Variants in RAB11FIP4 observed in about 807,000 individuals in gnomAD.
The protein encoded by RAB11FIP4 is rab11 family-interacting protein 4.
In RAB11FIP4, 23 loss-of-function variants were observed where a neutral mutation model predicts 74.3. That is an observed-to-expected ratio of 0.31 (90% confidence interval 0.22 to 0.44). The LOEUF (loss-of-function observed/expected upper bound fraction) is 0.44, where lower values mean the gene tolerates loss of function less well. Among genes scored for constraint, RAB11FIP4 ranks in the 20% least tolerant of loss-of-function variants. RAB11FIP4 has a pLI of 1.00. For synonymous variants in RAB11FIP4, 360 were observed against 359.9 expected, an observed-to-expected ratio of 1.00 and a Z score of 0.00; for missense variants, 630 against 863.9, an observed-to-expected ratio of 0.73 and a Z score of 3.39.
rs756862983 is a variant in RAB11FIP4 at position 31,530,302 on chromosome 17, TCG to T, written c.1654-22_1654-21del. 31 of 1,611,420 alleles carry T rather than the reference TCG, an allele frequency of 1.9e-5. No homozygotes were observed. The African/African-American group carries it at 4.1e-4, about 22-fold the overall frequency. ...CTGTGGATGCCTCTTGGGGTTGATGTCGCCTTCGTCCTTCTCTCTGTAGGAGA... is the reference window on the plus strand; with the variant it reads ...CTGTGGATGCCTCTTGGGGTTGATGTCCTTCGTCCTTCTCTCTGTAGGAGA... On this transcript the variant is annotated intron_variant, in intron 13 of 14. Coordinates refer to ENST00000621161, the MANE Select transcript of RAB11FIP4 (RefSeq NM_032932.6).
intron 1 of RAB11FIP4, among the ~76,000 whole-genome samples, chr17:31,398,461 T>G: frequency 1.3e-5 from 2 of 149,924 alleles, no homozygotes; most frequent in Non-Finnish European, 1.5e-5. Context: ...GACCGTGCCA[T>G]GGGGGGTGGG....
At chr17:31,447,439 G>T (rs1394074886) in intron 3 of RAB11FIP4, among the ~76,000 whole-genome samples, 1 of 152,130 alleles carries the variant, frequency 6.6e-6, no homozygotes. Context: ...CTCCAGCCTG[G>T]GCAACAGAGC....
intron 3 of RAB11FIP4, among the ~76,000 whole-genome samples, chr17:31,505,802 C>T (rs915612905): frequency 2.8e-4 from 40 of 144,078 alleles, no homozygotes; most frequent in African/African-American, 9.5e-4. Context: ...AACTCGTGGC[C>T]TCAAGCAATC....
intron 3 of RAB11FIP4, among the ~76,000 whole-genome samples, chr17:31,482,753 G>A (rs1480374132): frequency 6.6e-6 from 1 of 152,168 alleles, no homozygotes; most frequent in African/African-American, 2.4e-5. Flanking sequence ...TGGGATGAAA[G>A]CTGAGATTTA....
At chr17:31,469,627 C>T (rs1390622024) in intron 3 of RAB11FIP4, among the ~76,000 whole-genome samples, 1 of 97,412 alleles carries the variant, frequency 1.0e-5, no homozygotes, top group Non-Finnish European at 2.1e-5. Context: ...GTGAGACCCT[C>T]TCTCAAAAAA....
At chr17:31,514,814 C>T (rs1207431469) in intron 3 of RAB11FIP4, among the ~76,000 whole-genome samples, 1 of 152,186 alleles carries the variant, frequency 6.6e-6, no homozygotes, top group East Asian at 1.9e-4. Flanking sequence ...CCTGTGAGGG[C>T]GTTAAGTGGA....
rs576826421 is a variant in RAB11FIP4, at chr17:31,488,779, AGCCGAGAAGCT to A, written c.337-28869_337-28859del. Among the ~76,000 whole-genome samples, 750 of 152,292 alleles carry A rather than the reference AGCCGAGAAGCT, an allele frequency of 4.9e-3. 1 individual carries two copies. The highest frequency in any genetic ancestry group is 8.2e-3 in the Non-Finnish European group (557 of 68,024). ...TGGGGCCGGGGCCCTGCCTCTCCCC[AGCCGAGAAGCT>A]GCAGTGGTGGGAGGTGTGTTGTGGC... On this transcript the variant is annotated intron_variant, in intron 3 of 14. Coordinates refer to ENST00000621161, the MANE Select transcript of RAB11FIP4 (RefSeq NM_032932.6).
intron 2 of RAB11FIP4, 125 bp from the exon 3 acceptor site, chr17:31,433,909 C>T (rs2071333451): frequency 2.3e-6 from 2 of 860,204 alleles, no homozygotes; most frequent in Non-Finnish European, 3.7e-6. Flanking sequence ...GCTCAGCTGG[C>T]CTCCTGGAGC....
chr17:31,416,537 C>T (rs921314876), intron 1 of RAB11FIP4, among the ~76,000 whole-genome samples: 2 of 152,208 alleles, frequency 1.3e-5, no homozygotes, highest in African/African-American at 2.4e-5. Context: ...TCCCACCGGC[C>T]GGCCTGGGGG....
chr17:31,495,539 T>G (rs760408199), intron 3 of RAB11FIP4, among the ~76,000 whole-genome samples: 10 of 151,968 alleles, frequency 6.6e-5, no homozygotes, highest in Admixed American at 1.3e-4. Flanking sequence ...TATTTATTCA[T>G]TTGGTAGAGA....
intron 3 of RAB11FIP4, among the ~76,000 whole-genome samples, chr17:31,442,874 C>G (rs1761359909): frequency 6.6e-6 from 1 of 152,088 alleles, no homozygotes; most frequent in Admixed American, 6.6e-5. Context: ...GCAGGAGAAT[C>G]CCTTGAACCC....
At chr17:31,496,294 C>T (rs1028685781) in intron 3 of RAB11FIP4, among the ~76,000 whole-genome samples, 5 of 152,190 alleles carry the variant, frequency 3.3e-5, no homozygotes, top group African/African-American at 1.2e-4. Context: ...CTCTCTGAGC[C>T]TCGGGATTTT....
At chr17:31,469,098 A>G (rs767651902) in intron 3 of RAB11FIP4, among the ~76,000 whole-genome samples, 1 of 152,134 alleles carries the variant, frequency 6.6e-6, no homozygotes, top group African/African-American at 2.4e-5. Context: ...GGTTCCTGTG[A>G]GCATTAGACA....
chr17:31,401,135 G>T (rs973738465), intron 1 of RAB11FIP4, among the ~76,000 whole-genome samples: 4 of 152,180 alleles, frequency 2.6e-5, no homozygotes, highest in African/African-American at 9.7e-5. Flanking sequence ...AGCTGGGCAT[G>T]GTGGTGGGCG....
intron 1 of RAB11FIP4, among the ~76,000 whole-genome samples, chr17:31,425,139 CT>C (rs958815301): frequency 3.9e-4 from 60 of 152,278 alleles, no homozygotes; most frequent in Middle Eastern, 3.4e-3. Flanking sequence ...ATGACTTTGC[CT>C]TTCTATGTCT....
chr17:31,441,315 C>T (rs549866405), intron 3 of RAB11FIP4, among the ~76,000 whole-genome samples: 64 of 151,972 alleles, frequency 4.2e-4, no homozygotes, highest in Non-Finnish European at 7.5e-4. Flanking sequence ...TGTGAGCCAC[C>T]GCATCTGGCC....
At chr17:31,416,936 A>G (rs947170476) in intron 1 of RAB11FIP4, among the ~76,000 whole-genome samples, 1 of 151,902 alleles carries the variant, frequency 6.6e-6, no homozygotes, top group Admixed American at 6.5e-5. Flanking sequence ...TAAAGCACAT[A>G]CAGGCCCTTT....
chr17:31,404,152 C>T (rs367777712), intron 1 of RAB11FIP4, among the ~76,000 whole-genome samples: 2 of 152,262 alleles, frequency 1.3e-5, no homozygotes, highest in African/African-American at 4.8e-5. Context: ...CAGGCCCAGG[C>T]TGTGTGGGGC....
chr17:31,478,490 A>G (rs1249272616), intron 3 of RAB11FIP4, among the ~76,000 whole-genome samples: 1 of 152,216 alleles, frequency 6.6e-6, no homozygotes, highest in East Asian at 1.9e-4. Context: ...TCTCTCCTGC[A>G]GAGGTGCCTG....
Sources: gnomAD v4.1 joint callset for allele counts (sites outside exome capture counted in the v4.1 genomes callset) on GRCh38, gnomAD v4.1.1 for gene constraint, MANE v1.5 for transcripts, NCBI Gene and HGNC (gene_info 2026-07-23, HGNC 2026-07-21) for gene names.